Variants in CCDC13 observed in about 807,000 individuals in gnomAD.
CCDC13 encodes coiled-coil domain containing 13, also known as coiled-coil domain-containing protein 13.
In CCDC13, 70 loss-of-function variants were observed where a neutral mutation model predicts 87.3. The ratio of observed to expected loss-of-function variants is 0.80; its 90% CI spans 0.66 to 0.98. CCDC13 has a LOEUF of 0.98. Among genes scored for constraint, CCDC13 ranks in the 50% least tolerant of loss-of-function variants. The pLI is 0.00. For synonymous variants in CCDC13, 317 were observed against 360.3 expected (o/e 0.88, Z 1.36); for missense variants, 842 against 892.0 (o/e 0.94, Z 0.71).
At chr3:42,739,928 T>C in intron 8 of CCDC13, 118 bp from the exon 9 acceptor site, 1 of 920,758 alleles carries the variant, frequency 1.1e-6, no homozygotes, top group Non-Finnish European at 1.7e-6. Flanking sequence ...GCTTGTTGAA[T>C]GCCACAGAGC....
intron 13 of CCDC13, among the ~76,000 whole-genome samples, chr3:42,719,804 C>A (rs1698518769): frequency 6.6e-6 from 1 of 152,156 alleles, no homozygotes; most frequent in Non-Finnish European, 1.5e-5. Flanking sequence ...ACTCCTTTAT[C>A]TTCTGTCTAT....
chr3:42,766,991 T>C (rs1699944898), intron 1 of CCDC13, among the ~76,000 whole-genome samples: 1 of 152,182 alleles, frequency 6.6e-6, no homozygotes. Context: ...CCCCTAAGAC[T>C]GGGAACATGA....
chr3:42,726,288 C>T (rs1019926772), intron 13 of CCDC13, among the ~76,000 whole-genome samples: 2 of 152,102 alleles, frequency 1.3e-5, no homozygotes, highest in Non-Finnish European at 2.9e-5. Context: ...GTGATTCACC[C>T]ACCTCGGCCT....
intron 9 of CCDC13, among the ~76,000 whole-genome samples, chr3:42,738,663 C>T (rs950608966): frequency 1.3e-5 from 2 of 152,178 alleles, no homozygotes; most frequent in African/African-American, 4.8e-5. Context: ...ATTTTATTCT[C>T]TTTGAAGCAG....
downstream of CCDC13, chr3:42,704,474 G>A (rs1026071189): frequency 6.6e-6 from 1 of 152,284 alleles, no homozygotes. Flanking sequence ...GGGGTGGCAG[G>A]GGGCATCCGG....
At chr3:42,738,576 T>C (rs995231201) in intron 9 of CCDC13, among the ~76,000 whole-genome samples, 4 of 152,236 alleles carry the variant, frequency 2.6e-5, no homozygotes, top group Non-Finnish European at 5.9e-5. Flanking sequence ...TTGTGTCCTC[T>C]TTTATTTCAT....
chr3:42,767,956 A>C (rs1699966651), intron 1 of CCDC13, among the ~76,000 whole-genome samples: 1 of 151,898 alleles, frequency 6.6e-6, no homozygotes, highest in Non-Finnish European at 1.5e-5. Context: ...CCTGGCCAAC[A>C]GGAGCAAAAC....
chr3:42,730,687 G>A, intron 12 of CCDC13, 98 bp from the exon 13 acceptor site: 1 of 1,487,546 alleles, frequency 6.7e-7, no homozygotes, highest in Non-Finnish European at 9.1e-7. Flanking sequence ...GACATTCAGG[G>A]CGAATGTCAG....
intron 13 of CCDC13, 88 bp from the exon 14 acceptor site, chr3:42,713,404 C>A (rs1232688476): frequency 4.5e-6 from 6 of 1,339,308 alleles, no homozygotes; most frequent in Non-Finnish European, 6.2e-6. Context: ...GAGAGATGGG[C>A]ACATCTTACA....
intron 10 of CCDC13, among the ~76,000 whole-genome samples, chr3:42,734,220 C>T (rs985742356): frequency 7.2e-5 from 11 of 152,222 alleles, no homozygotes; most frequent in East Asian, 3.9e-4. Context: ...AAGCCCCTAA[C>T]AACCTGGCTT....
chr3:42,728,400 C>T (rs1002572053), intron 13 of CCDC13, among the ~76,000 whole-genome samples: 3 of 152,174 alleles, frequency 2.0e-5, no homozygotes, highest in Admixed American at 2.0e-4. Flanking sequence ...CCCCCCCACC[C>T]TCCCCTGTGC....
intron 5 of CCDC13, chr3:42,749,715 G>A (rs1391233064): frequency 2.8e-6 from 1 of 354,528 alleles, no homozygotes; most frequent in African/African-American, 2.2e-5. Context: ...CTTTGTGGGG[G>A]ACCTGGGTAT....
intron 12 of CCDC13, among the ~76,000 whole-genome samples, chr3:42,730,796 T>A (rs1698809718): frequency 6.6e-6 from 1 of 152,192 alleles, no homozygotes. Context: ...GCTCCAAAGC[T>A]GAACCTACCA....
intron 1 of CCDC13, among the ~76,000 whole-genome samples, chr3:42,771,980 G>T (rs984272641): frequency 1.3e-5 from 2 of 152,030 alleles, no homozygotes; most frequent in Admixed American, 6.6e-5. Context: ...TCTTTTAAAA[G>T]TAAAGGCTAA....
intron 4 of CCDC13, 125 bp downstream of exon 4, chr3:42,752,450 G>T: frequency 8.2e-7 from 1 of 1,221,144 alleles, no homozygotes; most frequent in Non-Finnish European, 1.2e-6. Flanking sequence ...TATACTGCGT[G>T]ACTTGAGAAA....
At chr3:42,711,899 T>C (rs1698321130) in intron 14 of CCDC13, among the ~76,000 whole-genome samples, 1 of 152,180 alleles carries the variant, frequency 6.6e-6, no homozygotes, top group Non-Finnish European at 1.5e-5. Context: ...CTGCTGTGGC[T>C]TAGCTCTCCC....
At chr3:42,723,513 G>A (rs1346354624) in intron 13 of CCDC13, among the ~76,000 whole-genome samples, 1 of 152,210 alleles carries the variant, frequency 6.6e-6, no homozygotes, top group African/African-American at 2.4e-5. Context: ...TATATCGGGG[G>A]TGGGAATGTT....
In CCDC13 at chr3:42,757,066, C is replaced by G; in HGVS notation, c.370G>C (p.Gly124Arg). The change falls in exon 3 of 16, where the codon GGG becomes CGG. Residue 124 changes from glycine to arginine, a missense_variant and splice_region_variant. Transcript: ENST00000310232. ...KIEEDRFAFTGTAGVAGDVVA... is the reference protein window; with the variant it reads ...KIEEDRFAFTRTAGVAGDVVA... Reference sequence around the variant, plus strand: ...ACTATCACAACAATGGTGGAGCTACCTGTGAAGGCAAATCTGTCCTCTTCT... The same window carrying G: ...ACTATCACAACAATGGTGGAGCTACGTGTGAAGGCAAATCTGTCCTCTTCT... 6.2e-7 allele frequency: 1 copy of G among 1,613,462 alleles called. No homozygotes were observed.
At chr3:42,754,894 C>A (rs770538849) in intron 3 of CCDC13, among the ~76,000 whole-genome samples, 1 of 152,122 alleles carries the variant, frequency 6.6e-6, no homozygotes. Flanking sequence ...GAAGCTGCAA[C>A]CCCTTGATAA....
Sources: gnomAD v4.1 joint callset for allele counts (sites outside exome capture counted in the v4.1 genomes callset) on GRCh38, gnomAD v4.1.1 for gene constraint, MANE v1.5 for transcripts, NCBI Gene and HGNC (gene_info 2026-07-23, HGNC 2026-07-21) for gene names.